XYLT1: variants seen among roughly 807,000 people sequenced by gnomAD.
XYLT1 encodes the protein beta-D-xylosyltransferase 1.
A neutral mutation model predicts 91.3 loss-of-function variants in XYLT1; 36 were observed. The observed-to-expected ratio is 0.39, with a 90% CI of 0.30 to 0.52. The LOEUF (loss-of-function observed/expected upper bound fraction) is 0.52. Among genes scored for constraint, XYLT1 ranks in the 20% least tolerant of loss-of-function variants. The pLI is 0.68. For missense variants in XYLT1, 1,242 were observed against 1,284.5 expected (o/e 0.97, Z 0.51); for synonymous variants, 588 against 532.0 (o/e 1.11, Z -1.45).
At chr16:17,413,316 G>T (rs1041300960) in intron 1 of XYLT1, among the ~76,000 whole-genome samples, 1 of 152,186 alleles carries the variant, frequency 6.6e-6, no homozygotes, top group Non-Finnish European at 1.5e-5. Context: ...AGTCATGCTG[G>T]GTACCCACAC....
intron 5 of XYLT1, among the ~76,000 whole-genome samples, chr16:17,181,612 C>T (rs2032071792): frequency 8.5e-5 from 13 of 152,126 alleles, no homozygotes; most frequent in Admixed American, 8.5e-4. Flanking sequence ...GCAGGTTCTC[C>T]TCTGCCCATC....
chr16:17,125,479 T>C (rs1260322186), intron 10 of XYLT1, among the ~76,000 whole-genome samples: 2 of 152,116 alleles, frequency 1.3e-5, no homozygotes, highest in Non-Finnish European at 2.9e-5. Flanking sequence ...CCCAGTACAT[T>C]GGTCTCCCTG....
rs147025411 is a variant in XYLT1, at chr16:17,351,951, C to A, written c.402+6061G>T. Among the ~76,000 whole-genome samples the A allele has an allele frequency of 3.9e-5, 6 of 152,142 alleles. No individual in the cohort carries two copies. The South Asian group carries it at 6.2e-4, about 16-fold the overall frequency. On this transcript the variant is annotated intron_variant, in intron 2 of 11. Coordinates refer to ENST00000261381, the MANE Select transcript of XYLT1 (RefSeq NM_022166.4). ...TTGAGCCCAGAAGTTCAAGACCAGT[C>A]GGGGCAACATAGCAAAATCCCACCT...
chr16:17,302,104 C>G (rs2141813107), intron 2 of XYLT1, among the ~76,000 whole-genome samples: 1 of 152,156 alleles, frequency 6.6e-6, no homozygotes, highest in East Asian at 1.9e-4. Context: ...ACTCAGGAGG[C>G]TAAGATGGGA....
rs59759678 is a variant in XYLT1 at position 17,181,528 on chromosome 16, CCA to C, written c.1289+16682_1289+16683del. On this transcript the variant is annotated intron_variant, in intron 5 of 11. Transcript: ENST00000261381. ...CCAATTCCGGATTAGGTCCTGTGTT[CCA>C]CTATCTTTCATGTTTCTAACAATCC... Among the ~76,000 whole-genome samples the C allele has an allele frequency of 3.8e-3, 582 of 152,272 alleles. 13 individuals are homozygous for C. The East Asian group carries it at 0.05, about 13-fold the overall frequency.
chr16:17,173,140 C>T (rs188901811), intron 5 of XYLT1, among the ~76,000 whole-genome samples: 82 of 152,280 alleles, frequency 5.4e-4, no homozygotes, highest in African/African-American at 1.1e-3. Flanking sequence ...GTTCATTGCT[C>T]GCTGATGAAT....
At chr16:17,138,641 T>TAAAAG (rs1459671656) in intron 7 of XYLT1, 110 bp from the exon 8 acceptor site, 11 of 1,320,452 alleles carry the variant, frequency 8.3e-6, no homozygotes, top group South Asian at 1.4e-5. Context: ...ACTGGTTGTT[T>TAAAAG]AAAAGAATGT....
chr16:17,388,045 C>T (rs1272351838), intron 1 of XYLT1, among the ~76,000 whole-genome samples: 6 of 152,186 alleles, frequency 3.9e-5, no homozygotes, highest in Admixed American at 3.9e-4. Flanking sequence ...GTTGAAAATG[C>T]ATTTAACGCA....
intron 1 of XYLT1, among the ~76,000 whole-genome samples, chr16:17,416,074 C>A (rs958548289): frequency 2.0e-5 from 3 of 152,180 alleles, no homozygotes; most frequent in Admixed American, 6.5e-5. Context: ...TCGGCCCTCC[C>A]GACAATTTGG....
At chr16:17,169,064 T>C (rs541015746) in intron 5 of XYLT1, among the ~76,000 whole-genome samples, 2 of 152,336 alleles carry the variant, frequency 1.3e-5, no homozygotes, top group Admixed American at 6.5e-5. Flanking sequence ...ACTTCTTCAA[T>C]AGGTCAGGCC....
chr16:17,435,146 A>G (rs561505022), intron 1 of XYLT1, among the ~76,000 whole-genome samples: 2 of 152,348 alleles, frequency 1.3e-5, no homozygotes, highest in South Asian at 4.1e-4. Context: ...CGTGGCACGC[A>G]CCATATGCAA....
intron 1 of XYLT1, among the ~76,000 whole-genome samples, chr16:17,364,473 T>C (rs1011690845): frequency 6.6e-6 from 1 of 152,110 alleles, no homozygotes; most frequent in African/African-American, 2.4e-5. Context: ...TCAGAAATGA[T>C]CTTCTCTTTG....
intron 7 of XYLT1, among the ~76,000 whole-genome samples, chr16:17,140,937 G>A (rs2030953773): frequency 6.6e-6 from 1 of 151,430 alleles, no homozygotes; most frequent in Non-Finnish European, 1.5e-5. Context: ...GACACTGTGT[G>A]GACTGCCGGT....
chr16:17,115,800 TAAAAAAAAAA>T (rs71137969), intron 11 of XYLT1, among the ~76,000 whole-genome samples: 2 of 50,316 alleles, frequency 4.0e-5, no homozygotes, highest in Non-Finnish European at 7.0e-5. Flanking sequence ...TCTGTTATAT[TAAAAAAAAAA>T]AAAAAAAAAA....
chr16:17,302,139 A>T (rs1436294892), intron 2 of XYLT1, among the ~76,000 whole-genome samples: 1 of 152,074 alleles, frequency 6.6e-6, no homozygotes, highest in Non-Finnish European at 1.5e-5. Context: ...CACCAGGTGG[A>T]TGTTGCAGTG....
At chr16:17,130,481 TC>T (rs2030426935) in intron 9 of XYLT1, among the ~76,000 whole-genome samples, 2 of 151,876 alleles carry the variant, frequency 1.3e-5, no homozygotes, top group African/African-American at 4.8e-5. Context: ...CCCTTCACCT[TC>T]TTTATATTTT....
intron 2 of XYLT1, among the ~76,000 whole-genome samples, chr16:17,308,516 G>A (rs920301460): frequency 7.9e-5 from 12 of 152,252 alleles, no homozygotes; most frequent in African/African-American, 2.2e-4. Flanking sequence ...TACAAAGAAC[G>A]GTCACTTCTC....
At chr16:17,280,565 T>C (rs1418281442) in intron 2 of XYLT1, among the ~76,000 whole-genome samples, 2 of 152,218 alleles carry the variant, frequency 1.3e-5, no homozygotes, top group Admixed American at 6.5e-5. Flanking sequence ...AATTTTGTTA[T>C]GTTTTATTCA....
At chr16:17,138,987 A>G (rs2141516744) in intron 7 of XYLT1, among the ~76,000 whole-genome samples, 1 of 152,338 alleles carries the variant, frequency 6.6e-6, no homozygotes, top group Non-Finnish European at 1.5e-5. Flanking sequence ...GGCTTCCTGC[A>G]TCGCCAGACG....
Sources: gnomAD v4.1 joint callset for allele counts (sites outside exome capture counted in the v4.1 genomes callset) on GRCh38, gnomAD v4.1.1 for gene constraint, MANE v1.5 for transcripts, NCBI Gene and HGNC (gene_info 2026-07-23, HGNC 2026-07-21) for gene names.